Variants in FER observed in about 807,000 individuals in gnomAD.
FER encodes the protein FER tyrosine kinase.
Under a neutral mutation model 111.0 loss-of-function variants are expected in FER, and 63 were observed. That is an observed-to-expected ratio of 0.57 (90% CI 0.46 to 0.70). FER has a LOEUF of 0.70. Among genes scored for constraint, FER ranks in the 30% least tolerant of loss-of-function variants. The probability of loss-of-function intolerance (pLI) is 0.00; values close to 1 mark genes in which losing one functional copy is unlikely to be tolerated. For synonymous variants in FER, 327 were observed against 313.9 expected (o/e 1.04, Z -0.44); for missense variants, 914 against 954.0 (o/e 0.96, Z 0.55).
At chr5:109,002,040 A>G (rs1206783357) in intron 13 of FER, among the ~76,000 whole-genome samples, 2 of 151,814 alleles carry the variant, frequency 1.3e-5, no homozygotes, top group African/African-American at 4.8e-5. Context: ...GAAAATGGCC[A>G]TACTGCCCAA....
chr5:108,938,559 G>T (rs182040258), intron 10 of FER, among the ~76,000 whole-genome samples: 331 of 152,054 alleles, frequency 2.2e-3, no homozygotes, highest in African/African-American at 7.5e-3. Flanking sequence ...TGCCACAAGG[G>T]AGCACCTAAG....
chr5:109,068,175 C>T (rs1035026011), intron 16 of FER, among the ~76,000 whole-genome samples: 1 of 148,096 alleles, frequency 6.8e-6, no homozygotes, highest in African/African-American at 2.5e-5. Context: ...TCCACTCAGT[C>T]ATCTCTTTTT....
At chr5:109,138,150 A>G (rs1753115172) in intron 17 of FER, among the ~76,000 whole-genome samples, 1 of 152,198 alleles carries the variant, frequency 6.6e-6, no homozygotes, top group Non-Finnish European at 1.5e-5. Context: ...GGTGGGAGAA[A>G]GAGGATGAAG....
intron 17 of FER, among the ~76,000 whole-genome samples, chr5:109,134,408 A>C (rs1480788037): frequency 8.5e-5 from 13 of 152,244 alleles, no homozygotes; most frequent in Non-Finnish European, 1.5e-5. Context: ...ATGTAACATC[A>C]AGAGGTTTTA....
At chr5:108,784,890 C>G (rs536246001) in intron 2 of FER, 203 of 158,986 alleles carry the variant, frequency 1.3e-3, no homozygotes, top group African/African-American at 4.3e-3. Context: ...TTCCGGTAAA[C>G]TGACAGCCTT....
chr5:108,785,918 A>G (rs1277050467), intron 2 of FER, among the ~76,000 whole-genome samples: 1 of 152,162 alleles, frequency 6.6e-6, no homozygotes, highest in African/African-American at 2.4e-5. Context: ...CACCTTCCAG[A>G]GTTCTTCGTT....
At chr5:109,146,795 A>G (rs1754269428) in intron 17 of FER, among the ~76,000 whole-genome samples, 1 of 152,118 alleles carries the variant, frequency 6.6e-6, no homozygotes, top group Non-Finnish European at 1.5e-5. Flanking sequence ...TATGGTAAGT[A>G]TGGCATTGGC....
chr5:108,937,936 G>A (rs972407074), intron 10 of FER, among the ~76,000 whole-genome samples: 6 of 151,232 alleles, frequency 4.0e-5, no homozygotes, highest in Non-Finnish European at 8.9e-5. Flanking sequence ...AGAATATGTG[G>A]TGAAGGGAGA....
intron 8 of FER, among the ~76,000 whole-genome samples, chr5:108,874,048 A>G (rs1240746421): frequency 6.6e-6 from 1 of 152,170 alleles, no homozygotes; most frequent in African/African-American, 2.4e-5. Context: ...CAAATAACTT[A>G]CTAATTTATT....
intron 13 of FER, among the ~76,000 whole-genome samples, chr5:109,026,599 A>T (rs1004031592): frequency 2.6e-5 from 4 of 152,210 alleles, no homozygotes; most frequent in African/African-American, 9.6e-5. Context: ...ATTGTATATA[A>T]AAGAAAAATA....
intron 13 of FER, among the ~76,000 whole-genome samples, chr5:108,964,555 T>C (rs534840161): frequency 6.6e-6 from 1 of 152,166 alleles, no homozygotes. Context: ...GAGGTTAGTA[T>C]GGCTGAAGCA....
At chr5:108,808,408 T>C (rs1175440140) in intron 3 of FER, among the ~76,000 whole-genome samples, 2 of 152,156 alleles carry the variant, frequency 1.3e-5, no homozygotes, top group African/African-American at 2.4e-5. Context: ...TTATCTGATA[T>C]AAGAATAGCT....
intron 17 of FER, among the ~76,000 whole-genome samples, chr5:109,118,045 G>A (rs1304708575): frequency 6.6e-6 from 1 of 151,974 alleles, no homozygotes; most frequent in African/African-American, 2.4e-5. Flanking sequence ...CCAACACTAT[G>A]TTGAATAGGA....
Position 109,180,822 on chromosome 5 carries a change from AGAG to A in FER, c.2127_2129del (p.Glu709del). On this transcript the variant is annotated inframe_deletion, in exon 18 of 20. Transcript: ENST00000281092. Reference sequence around the variant, plus strand: ...TCAGTGACTTTGGAATGTCTCGTCAAGAGGATGGTGGAGTGTATTCATCTTCTG... The same window carrying A: ...TCAGTGACTTTGGAATGTCTCGTCAAGATGGTGGAGTGTATTCATCTTCTG... 6.2e-7 allele frequency: 1 copy of A among 1,613,738 alleles called. No homozygotes were observed. Among genetic ancestry groups the A allele is most frequent in the Non-Finnish European group, 8.5e-7 (1 of 1,179,772 alleles).
chr5:108,810,907 G>T (rs1441368343), intron 3 of FER, among the ~76,000 whole-genome samples: 2 of 151,882 alleles, frequency 1.3e-5, no homozygotes, highest in Non-Finnish European at 2.9e-5. Context: ...TCCAGTCCGG[G>T]CATGCAGGTT....
intron 17 of FER, among the ~76,000 whole-genome samples, chr5:109,119,219 C>T (rs1319412902): frequency 6.6e-6 from 1 of 152,078 alleles, no homozygotes; most frequent in African/African-American, 2.4e-5. Context: ...TGTTTGTTCT[C>T]ATTGGTTTCA....
intron 17 of FER, among the ~76,000 whole-genome samples, chr5:109,142,744 CATAGAA>C (rs900806490): frequency 2.6e-5 from 4 of 151,638 alleles, no homozygotes. Flanking sequence ...GAAAAAAAGA[CATAGAA>C]ATAGAAAAAA....
At chr5:109,015,556 C>A (rs1766969879) in intron 13 of FER, among the ~76,000 whole-genome samples, 1 of 151,684 alleles carries the variant, frequency 6.6e-6, no homozygotes, top group Non-Finnish European at 1.5e-5. Context: ...TTCTATCTGC[C>A]AGTGGAGACT....
At chr5:109,177,820 G>A (rs529508664) in intron 17 of FER, among the ~76,000 whole-genome samples, 1 of 152,328 alleles carries the variant, frequency 6.6e-6, no homozygotes, top group Admixed American at 6.5e-5. Flanking sequence ...TGCATGTGGT[G>A]AGATATAGCT....
Sources: gnomAD v4.1 joint callset for allele counts (sites outside exome capture counted in the v4.1 genomes callset) on GRCh38, gnomAD v4.1.1 for gene constraint, MANE v1.5 for transcripts, NCBI Gene and HGNC (gene_info 2026-07-23, HGNC 2026-07-21) for gene names.